Variants in FGF14 observed in about 807,000 individuals in gnomAD.
FGF14 encodes the protein fibroblast growth factor 14, also known as fibroblast growth factor homologous factor 4.
Under a neutral mutation model 25.5 loss-of-function variants are expected in FGF14, and 5 were observed. That is an observed-to-expected ratio of 0.20 (90% CI 0.10 to 0.41). The LOEUF (loss-of-function observed/expected upper bound fraction) is 0.41, where lower values mean the gene tolerates loss of function less well. Among genes scored for constraint, FGF14 ranks in the 10% least tolerant of loss-of-function variants. The probability of loss-of-function intolerance (pLI) is 1.00; values close to 1 mark genes in which losing one functional copy is unlikely to be tolerated. For missense variants in FGF14, 222 were observed against 320.1 expected (o/e 0.69, Z 2.34); for synonymous variants, 138 against 118.3 (o/e 1.17, Z -1.08).
intron 3 of FGF14, among the ~76,000 whole-genome samples, chr13:101,730,130 A>G (rs1261098636): frequency 6.6e-6 from 1 of 152,214 alleles, no homozygotes; most frequent in Non-Finnish European, 1.5e-5. Context: ...AGAGGAAGAC[A>G]TGTTGAATTC....
At chr13:102,195,486 T>C (rs1178917560) in intron 1 of FGF14, among the ~76,000 whole-genome samples, 3 of 151,746 alleles carry the variant, frequency 2.0e-5, no homozygotes, top group Non-Finnish European at 4.4e-5. Context: ...AATGTAAAAA[T>C]ACAATTAAAG....
chr13:102,103,167 C>G (rs2044740613), intron 1 of FGF14, among the ~76,000 whole-genome samples: 1 of 152,136 alleles, frequency 6.6e-6, no homozygotes, highest in Non-Finnish European at 1.5e-5. Flanking sequence ...TGATTAAACT[C>G]TGTAGAACAA....
intron 1 of FGF14, among the ~76,000 whole-genome samples, chr13:102,021,192 A>T (rs2040631826): frequency 6.6e-6 from 1 of 152,184 alleles, no homozygotes; most frequent in Admixed American, 6.5e-5. Flanking sequence ...AGTTAAGAAG[A>T]CAGCAAGTCT....
At chr13:102,358,068 C>A (rs371667977) in intron 1 of FGF14, among the ~76,000 whole-genome samples, 1 of 152,046 alleles carries the variant, frequency 6.6e-6, no homozygotes, top group African/African-American at 2.4e-5. Context: ...TTTTAATGGG[C>A]AAAATTTTGA....
At chr13:102,211,849 T>C (rs925950057) in intron 1 of FGF14, among the ~76,000 whole-genome samples, 22 of 152,212 alleles carry the variant, frequency 1.4e-4, no homozygotes, top group East Asian at 3.8e-4. Flanking sequence ...TTTTCATACA[T>C]AGGACTTCAA....
chr13:102,035,514 G>A (rs914058724), intron 1 of FGF14, among the ~76,000 whole-genome samples: 1 of 152,102 alleles, frequency 6.6e-6, no homozygotes, highest in Non-Finnish European at 1.5e-5. Context: ...GTGACTACTG[G>A]TACCACTGGA....
intron 1 of FGF14, among the ~76,000 whole-genome samples, chr13:102,184,873 T>C (rs1287250994): frequency 6.6e-6 from 1 of 152,180 alleles, no homozygotes; most frequent in Non-Finnish European, 1.5e-5. Flanking sequence ...CCACAAAAGT[T>C]ATGCACAGAC....
chr13:102,172,393 C>T (rs1320548218), intron 1 of FGF14, among the ~76,000 whole-genome samples: 1 of 152,004 alleles, frequency 6.6e-6, no homozygotes, highest in Non-Finnish European at 1.5e-5. Context: ...ACCAAAAAGG[C>T]AGGACTTAAC....
At chr13:102,226,988 C>T (rs1273477952) in intron 1 of FGF14, among the ~76,000 whole-genome samples, 2 of 152,054 alleles carry the variant, frequency 1.3e-5, no homozygotes, top group African/African-American at 2.4e-5. Context: ...ACTCCATTTC[C>T]TCCCCCAATA....
In FGF14 at chr13:101,715,357, C is replaced by T; in HGVS notation, c.*7474G>A. 1 of 554,732 alleles carries T rather than the reference C, an allele frequency of 1.8e-6. No individual in the cohort carries two copies. The highest frequency in any genetic ancestry group is 5.0e-4 in the Middle Eastern group (1 of 1,992). The allele number at this position is 554,732 out of a possible 1,614,324, so 34.4% of individuals were successfully genotyped here. A position where few individuals can be genotyped will look rare whatever the true frequency, so the allele number is the denominator to read the frequency against. On this transcript the variant is annotated 3_prime_UTR_variant, in exon 5 of 5. Transcript: ENST00000376143. The stretch of plus-strand genomic sequence containing the variant: ...TGACTATCTGATCGGTAAAGGGTGG[C>T]ACCAAATAAATGCCACTAATTGTTT...
intron 3 of FGF14, chr13:101,802,400 A>G: frequency 4.5e-6 from 1 of 223,540 alleles, no homozygotes; most frequent in South Asian, 6.9e-5. Context: ...TGGAAGAGGA[A>G]GATGAAGAAA....
At chr13:102,044,315 T>A (rs973109486) in intron 1 of FGF14, among the ~76,000 whole-genome samples, 1 of 152,100 alleles carries the variant, frequency 6.6e-6, no homozygotes, top group Non-Finnish European at 1.5e-5. Flanking sequence ...AACTGATTCC[T>A]TTCCTATTGT....
At chr13:101,946,363 C>CAAAAAAAAAAAAAAAAAAAAAA (rs59866034) in intron 1 of FGF14, among the ~76,000 whole-genome samples, 1 of 91,950 alleles carries the variant, frequency 1.1e-5, no homozygotes, top group African/African-American at 3.6e-5. Context: ...GCTTCTCCAT[C>CAAAAAAAAAAAAAAAAAAAAAA]AAAAAAAAAA....
intron 3 of FGF14, among the ~76,000 whole-genome samples, chr13:101,820,771 CCACACACCACACACACACACACACA>C (rs1181856731): frequency 1.1e-5 from 1 of 91,854 alleles, no homozygotes; most frequent in Non-Finnish European, 2.7e-5. Flanking sequence ...CACACACACA[CCACACACCACACACACACACACACA>C]CACACACACA....
chr13:102,045,323 G>T (rs1245420378), intron 1 of FGF14, among the ~76,000 whole-genome samples: 2 of 151,824 alleles, frequency 1.3e-5, no homozygotes, highest in Admixed American at 6.6e-5. Flanking sequence ...AATACACACA[G>T]AAGTTTCAAT....
chr13:101,756,039 C>T (rs2037624801), intron 3 of FGF14, among the ~76,000 whole-genome samples: 1 of 152,030 alleles, frequency 6.6e-6, no homozygotes, highest in Admixed American at 6.6e-5. Context: ...AATCATATGC[C>T]ATTGTTACAG....
intron 1 of FGF14, among the ~76,000 whole-genome samples, chr13:102,072,571 CTAAG>C (rs1056913362): frequency 3.3e-5 from 5 of 152,086 alleles, no homozygotes; most frequent in Non-Finnish European, 7.4e-5. Flanking sequence ...ACACTGTCAA[CTAAG>C]TAATACAGGA....
At chr13:101,783,235 G>A (rs1376330058) in intron 3 of FGF14, among the ~76,000 whole-genome samples, 1 of 152,110 alleles carries the variant, frequency 6.6e-6, no homozygotes. Context: ...ACTTTGGGAG[G>A]CTGAGGCGGG....
In FGF14 at chr13:101,715,383, G is replaced by A. The variant is rs1401105385; in HGVS notation, c.*7448C>T. The A allele has an allele frequency of 3.4e-6, 2 of 588,322 alleles. No homozygotes were observed. Among genetic ancestry groups the A allele is most frequent in the East Asian group, 2.9e-5 (1 of 34,824 alleles). The allele number at this position is 588,322 out of a possible 1,614,324, so 36.4% of individuals were successfully genotyped here. A position where few individuals can be genotyped will look rare whatever the true frequency, so the allele number is the denominator to read the frequency against. On this transcript the variant is annotated 3_prime_UTR_variant, in exon 5 of 5. Coordinates refer to ENST00000376143, the MANE Select transcript of FGF14 (RefSeq NM_004115.4). ...ACCAAATAAATGCCACTAATTGTTTGAAAGATTAGATGTCTCGCAGCTGCT... is the reference window on the plus strand; with the variant it reads ...ACCAAATAAATGCCACTAATTGTTTAAAAGATTAGATGTCTCGCAGCTGCT...
Sources: allele counts gnomAD v4.1 joint callset (sites outside exome capture counted in the v4.1 genomes callset), GRCh38; gene constraint gnomAD v4.1.1; transcripts MANE v1.5; gene names NCBI Gene and HGNC (gene_info 2026-07-23, HGNC 2026-07-21).